The following IFT81 variants were observed in gnomAD, a reference collection of about 807,000 sequenced individuals.
IFT81 encodes intraflagellar transport 81.
IFT81 carries 72 observed loss-of-function variants against 102.6 expected under a neutral mutation model. The observed-to-expected ratio is 0.70, with a 90% confidence interval of 0.58 to 0.85. The LOEUF (loss-of-function observed/expected upper bound fraction) is 0.85, where lower values mean the gene tolerates loss of function less well. Ranked by LOEUF, IFT81 falls within the 40% of genes least tolerant of loss-of-function variation. The pLI is 0.00. For synonymous variants in IFT81, 237 were observed against 242.7 expected (o/e 0.98, Z 0.22); for missense variants, 723 against 787.3 (o/e 0.92, Z 0.98).
intron 10 of IFT81, among the ~76,000 whole-genome samples, chr12:110,152,892 A>T (rs1029061902): frequency 1.3e-5 from 2 of 152,190 alleles, no homozygotes; most frequent in African/African-American, 4.8e-5. Flanking sequence ...TGCCTGGCTT[A>T]TTCGGGATGT....
At chr12:110,127,571 C>G (rs371182571) in intron 2 of IFT81, 47 bp downstream of exon 2, 1 of 1,523,256 alleles carries the variant, frequency 6.6e-7, no homozygotes, top group East Asian at 2.3e-5. Context: ...AAGCCAATTT[C>G]TCCCTCTAAA....
chr12:110,192,805 G>A, intron 14 of IFT81, 99 bp downstream of exon 14: 1 of 652,416 alleles, frequency 1.5e-6, no homozygotes, highest in Admixed American at 3.0e-5. Context: ...TTTTACTTGG[G>A]TAATATAGAA....
intron 18 of IFT81, among the ~76,000 whole-genome samples, chr12:110,213,480 T>C (rs1869722749): frequency 6.6e-6 from 1 of 152,212 alleles, no homozygotes; most frequent in Non-Finnish European, 1.5e-5. Flanking sequence ...GGTATGTGCT[T>C]CTATCAGGAG....
chr12:110,195,893 G>A (rs1407800952), intron 14 of IFT81, among the ~76,000 whole-genome samples: 2 of 152,024 alleles, frequency 1.3e-5, no homozygotes, highest in Non-Finnish European at 1.5e-5. Context: ...AGTGTAGCTC[G>A]ACAATCTTCT....
In IFT81 at chr12:110,218,247, G is replaced by T; in HGVS notation, c.*21G>T. 6.7e-7 allele frequency: 1 copy of T among 1,488,464 alleles called. No individual in the cohort carries two copies. Among genetic ancestry groups the T allele is most frequent in the East Asian group, 2.4e-5 (1 of 41,162 alleles). 92.2% of individuals were successfully genotyped at this position (1,488,464 alleles called of 1,614,324 possible). Reference sequence around the variant, plus strand: ...TGTGAATTCTTGTGTCATCGTTTGGGGTTTTACTTGATACCACTAGCTATA... The same window carrying T: ...TGTGAATTCTTGTGTCATCGTTTGGTGTTTTACTTGATACCACTAGCTATA... On this transcript the variant is annotated 3_prime_UTR_variant, in exon 19 of 19. Transcript: ENST00000242591.
chr12:110,129,029 A>G lies in IFT81; in HGVS notation c.328A>G (p.Asn110Asp), dbSNP rs1894013556. Residue 110 changes from asparagine (N) to aspartate (D), a missense_variant, in exon 4 of 19, where the codon AAT becomes GAT. Coordinates refer to ENST00000242591, the MANE Select transcript of IFT81 (RefSeq NM_014055.4). Reference sequence around the variant, plus strand: ...GCTCCACTGGCTTCTTCAGAGGACTAATGAACTGAAGAAAAGAGCATATTT... The same window carrying G: ...GCTCCACTGGCTTCTTCAGAGGACTGATGAACTGAAGAAAAGAGCATATTT... Reference protein sequence around the residue: ...PVLHWLLQRTNELKKRAYLAR... With the variant: ...PVLHWLLQRTDELKKRAYLAR... The G allele has an allele frequency of 6.2e-7, 1 of 1,610,144 alleles. No homozygotes were observed. Among genetic ancestry groups the G allele is most frequent in the Non-Finnish European group, 8.5e-7 (1 of 1,178,944 alleles).
At chr12:110,156,984 T>C (rs1380734200) in intron 10 of IFT81, among the ~76,000 whole-genome samples, 1 of 152,188 alleles carries the variant, frequency 6.6e-6, no homozygotes, top group Non-Finnish European at 1.5e-5. Flanking sequence ...CTTCAGAATG[T>C]TCTCTTTGCC....
At chr12:110,144,101 C>T (rs374989759) in intron 9 of IFT81, among the ~76,000 whole-genome samples, 32 of 151,090 alleles carry the variant, frequency 2.1e-4, no homozygotes, top group African/African-American at 7.8e-4. Context: ...CAACCTCTGC[C>T]TCCTGGGTTC....
At chr12:110,154,893 A>G (rs1895753526) in intron 10 of IFT81, among the ~76,000 whole-genome samples, 1 of 151,484 alleles carries the variant, frequency 6.6e-6, no homozygotes, top group Non-Finnish European at 1.5e-5. Flanking sequence ...TGCTAAATCT[A>G]GTTGATTTAT....
intron 7 of IFT81, among the ~76,000 whole-genome samples, 200 bp downstream of exon 7, chr12:110,135,637 G>A (rs913219229): frequency 6.6e-6 from 1 of 152,142 alleles, no homozygotes; most frequent in African/African-American, 2.4e-5. Flanking sequence ...GGGAGGCTGA[G>A]GCGGGCGAAT....
chr12:110,209,768 CAA>C (rs774458929), intron 18 of IFT81, among the ~76,000 whole-genome samples: 33 of 60,072 alleles, frequency 5.5e-4, no homozygotes, highest in Admixed American at 1.3e-3. Flanking sequence ...TACTCCATCT[CAA>C]AAAAAAAAAA....
intron 11 of IFT81, among the ~76,000 whole-genome samples, chr12:110,163,562 A>G (rs1593320103): frequency 6.6e-6 from 1 of 151,904 alleles, no homozygotes; most frequent in Non-Finnish European, 1.5e-5. Context: ...TTCTTGATGT[A>G]AAATGGCAGA....
intron 13 of IFT81, 119 bp downstream of exon 13, chr12:110,191,167 T>A: frequency 3.9e-5 from 32 of 810,584 alleles, no homozygotes; most frequent in Non-Finnish European, 5.5e-5. Flanking sequence ...CATTCTTTCA[T>A]CTTTTTTTTT....
intron 14 of IFT81, 54 bp from the exon 15 acceptor site, chr12:110,203,810 A>G: frequency 8.5e-7 from 1 of 1,178,464 alleles, no homozygotes; most frequent in Non-Finnish European, 1.3e-6. Context: ...TTTCAGAGCC[A>G]TGTTTGGGAC....
chr12:110,141,339 A>G (rs997604819), intron 8 of IFT81, among the ~76,000 whole-genome samples: 2 of 152,162 alleles, frequency 1.3e-5, no homozygotes, highest in East Asian at 1.9e-4. Context: ...CGCCCAGCCT[A>G]CAGTGTGATT....
At chr12:110,127,839 T>G (rs1893937668) in intron 2 of IFT81, among the ~76,000 whole-genome samples, 1 of 152,212 alleles carries the variant, frequency 6.6e-6, no homozygotes, top group African/African-American at 2.4e-5. Flanking sequence ...ACTGGATACT[T>G]TTTTTGAAGC....
chr12:110,207,656 G>A (rs1868833804), intron 17 of IFT81, among the ~76,000 whole-genome samples: 1 of 145,446 alleles, frequency 6.9e-6, no homozygotes, highest in African/African-American at 2.6e-5. Flanking sequence ...TCCGCCTCCT[G>A]GGTTCACGCC....
At chr12:110,217,140 A>G (rs1870241230) in intron 18 of IFT81, among the ~76,000 whole-genome samples, 1 of 151,820 alleles carries the variant, frequency 6.6e-6, no homozygotes, top group African/African-American at 2.4e-5. Context: ...CACCTCCCAG[A>G]TTGAAGCCAT....
intron 11 of IFT81, among the ~76,000 whole-genome samples, chr12:110,164,874 A>T (rs972286615): frequency 6.6e-6 from 1 of 152,220 alleles, no homozygotes; most frequent in Non-Finnish European, 1.5e-5. Context: ...ACAAGAGACT[A>T]TGCCACCTCC....
Sources: gnomAD v4.1 joint callset for allele counts (sites outside exome capture counted in the v4.1 genomes callset) on GRCh38, gnomAD v4.1.1 for gene constraint, MANE v1.5 for transcripts, NCBI Gene and HGNC (gene_info 2026-07-23, HGNC 2026-07-21) for gene names.